Variants in CAPN13 observed in about 807,000 individuals in gnomAD.
The protein encoded by CAPN13 is calpain 13, also known as calpain-13.
A neutral mutation model predicts 98.4 loss-of-function variants in CAPN13; 90 were observed. The observed-to-expected ratio is 0.92, with a 90% confidence interval of 0.77 to 1.09. The LOEUF (loss-of-function observed/expected upper bound fraction) is 1.09, where lower values mean the gene tolerates loss of function less well. Ranked by LOEUF, CAPN13 falls within the 50% of genes least tolerant of loss-of-function variation. The pLI, the probability that CAPN13 is intolerant of heterozygous loss-of-function variation, is 0.00. For missense variants in CAPN13, 887 were observed against 841.3 expected, an observed-to-expected ratio of 1.05 and a Z score of -0.67; for synonymous variants, 330 against 305.5, an observed-to-expected ratio of 1.08 and a Z score of -0.84.
At chr2:30,737,620 T>C (rs925805362) in intron 17 of CAPN13, 6 of 156,000 alleles carry the variant, frequency 3.8e-5, no homozygotes, top group African/African-American at 1.4e-4. Context: ...AATGCTGGGG[T>C]GCAACTGCTG....
chr2:30,737,416 A>G (rs1341215003), intron 17 of CAPN13: 1 of 152,408 alleles, frequency 6.6e-6, no homozygotes, highest in African/African-American at 2.4e-5. Flanking sequence ...GGGGGTCTAC[A>G]CTCATGGAGT....
At chr2:30,735,496 G>A (rs941602251) in intron 18 of CAPN13, among the ~76,000 whole-genome samples, 7 of 152,336 alleles carry the variant, frequency 4.6e-5, no homozygotes, top group East Asian at 3.9e-4. Flanking sequence ...GAATTCATTC[G>A]TTCATTCGGA....
intron 1 of CAPN13, among the ~76,000 whole-genome samples, chr2:30,796,155 T>A (rs866715283): frequency 6.8e-6 from 1 of 147,886 alleles, no homozygotes; most frequent in Non-Finnish European, 1.5e-5. Context: ...TATATATATA[T>A]ATACATATAT....
intron 2 of CAPN13, among the ~76,000 whole-genome samples, chr2:30,783,211 G>A (rs943394953): frequency 5.9e-5 from 9 of 152,210 alleles, no homozygotes; most frequent in Non-Finnish European, 1.0e-4. Flanking sequence ...TCCACTCTAA[G>A]TACTAAATTT....
intron 1 of CAPN13, among the ~76,000 whole-genome samples, chr2:30,800,116 A>AAAAGAAAGAAAGAAAGAAAGAAAGAAAG (rs60233900): frequency 4.7e-4 from 40 of 85,656 alleles, no homozygotes; most frequent in South Asian, 1.5e-3. Flanking sequence ...GAAAAGAAAG[A>AAAAGAAAGAAAGAAAGAAAGAAAGAAAG]AAAGAAAGAA....
chr2:30,764,077 CATTCCTGGCTGAGG>C lies in CAPN13; in HGVS notation c.699+41_699+54del, dbSNP rs1672983430. Reference sequence around the variant, plus strand: ...TTAGCTGAATGGACCCCTGGCTGAGCATTCCTGGCTGAGGAAAGCTTGAACTGGTGCAAAAGGGC... The same window carrying C: ...TTAGCTGAATGGACCCCTGGCTGAGCAAAGCTTGAACTGGTGCAAAAGGGC... On this transcript the variant is annotated intron_variant, in intron 6 of 22. Transcript: ENST00000295055. 2.7e-6 allele frequency: 4 copies of C among 1,504,868 alleles called. No individual in the cohort carries two copies. The African/African-American group carries it at 4.1e-5, about 16-fold the overall frequency. The allele number at this position is 1,504,868 out of a possible 1,614,324, so 93.2% of individuals were successfully genotyped here. A position where few individuals can be genotyped will look rare whatever the true frequency, so the allele number is the denominator to read the frequency against.
chr2:30,768,268 G>C (rs1002440835), intron 5 of CAPN13, among the ~76,000 whole-genome samples: 2 of 152,252 alleles, frequency 1.3e-5, no homozygotes, highest in African/African-American at 2.4e-5. Context: ...ATTGGAATCA[G>C]GTACTGGGCA....
chr2:30,788,180 G>T (rs534571773), intron 1 of CAPN13, among the ~76,000 whole-genome samples: 28 of 152,324 alleles, frequency 1.8e-4, no homozygotes, highest in East Asian at 1.5e-3. Flanking sequence ...GCTACATACT[G>T]CTTCTGCAAT....
intron 1 of CAPN13, among the ~76,000 whole-genome samples, chr2:30,805,147 T>C (rs62139471): frequency 0.16 from 24,115 of 152,154 alleles, 2,017 homozygotes; most frequent in East Asian, 0.3. Context: ...AAGCTGGAAG[T>C]GCAGGACAGT....
intron 2 of CAPN13, among the ~76,000 whole-genome samples, chr2:30,779,079 C>T (rs1389617831): frequency 6.6e-6 from 1 of 152,230 alleles, no homozygotes; most frequent in Non-Finnish European, 1.5e-5. Context: ...AGATCCTCCA[C>T]TCGTGAGAAG....
intron 5 of CAPN13, among the ~76,000 whole-genome samples, chr2:30,767,418 T>C (rs1272952519): frequency 6.6e-6 from 1 of 152,184 alleles, no homozygotes; most frequent in African/African-American, 2.4e-5. Context: ...AGCTGAATGA[T>C]TGCTTGAGGT....
intron 7 of CAPN13, 55 bp downstream of exon 7, chr2:30,763,027 A>G: frequency 7.0e-7 from 1 of 1,433,012 alleles, no homozygotes; most frequent in Non-Finnish European, 9.6e-7. Flanking sequence ...GAGAGGAACA[A>G]GAACACTGGG....
At position 30,767,166 on chromosome 2, in the gene CAPN13, G is replaced by A. The variant is rs1044600765; in HGVS notation, c.525-2860C>T. 2.6e-5 allele frequency among the ~76,000 whole-genome samples: 4 copies of A among 152,150 alleles called. No homozygotes were observed. The South Asian group carries it at 6.2e-4, about 24-fold the overall frequency. ...GATCTTGGGCCAGCCATTTCACCTC[G>A]CTGAGCCTCAGTTTCCTCATCTTTC... On this transcript the variant is annotated intron_variant, in intron 5 of 22. Transcript: ENST00000295055.
chr2:30,768,452 A>G (rs1673218777), intron 5 of CAPN13, among the ~76,000 whole-genome samples: 1 of 152,148 alleles, frequency 6.6e-6, no homozygotes, highest in Non-Finnish European at 1.5e-5. Flanking sequence ...GGCCAGCTAC[A>G]GAGAGGAGCA....
At chr2:30,749,381 A>G (rs1015147656) in intron 11 of CAPN13, among the ~76,000 whole-genome samples, 13 of 152,200 alleles carry the variant, frequency 8.5e-5, no homozygotes, top group African/African-American at 2.4e-4. Context: ...GAGAGACACA[A>G]TCTGTATTCT....
chr2:30,749,404 C>T (rs1672067634), intron 11 of CAPN13, among the ~76,000 whole-genome samples: 1 of 152,204 alleles, frequency 6.6e-6, no homozygotes, highest in Non-Finnish European at 1.5e-5. Flanking sequence ...CACTGTGAGG[C>T]CCTCTTATTA....
chr2:30,733,365 C>T (rs1007987088), intron 19 of CAPN13, among the ~76,000 whole-genome samples: 6 of 151,636 alleles, frequency 4.0e-5, no homozygotes, highest in South Asian at 2.1e-4. Context: ...TGACTGTGAG[C>T]TCCATCACCC....
chr2:30,799,686 T>C (rs1675074595), intron 1 of CAPN13, among the ~76,000 whole-genome samples: 1 of 152,090 alleles, frequency 6.6e-6, no homozygotes, highest in Admixed American at 6.5e-5. Flanking sequence ...AGCTAGTGTT[T>C]CTCATCCTCT....
chr2:30,729,238 A>G (rs1263267109), intron 22 of CAPN13, among the ~76,000 whole-genome samples: 1 of 152,224 alleles, frequency 6.6e-6, no homozygotes, highest in Admixed American at 6.5e-5. Context: ...TGCTTTAATG[A>G]TGTGATACCA....
Sources: allele counts gnomAD v4.1 joint callset (sites outside exome capture counted in the v4.1 genomes callset), GRCh38; gene constraint gnomAD v4.1.1; transcripts MANE v1.5; gene names NCBI Gene and HGNC (gene_info 2026-07-23, HGNC 2026-07-21).